The following SGMS1 variants were observed in gnomAD, a reference collection of about 807,000 sequenced individuals.
SGMS1 encodes sphingomyelin synthase 1, also known as phosphatidylcholine:ceramide cholinephosphotransferase 1.
A neutral mutation model predicts 46.2 loss-of-function variants in SGMS1; 13 were observed. The observed-to-expected ratio is 0.28, with a 90% CI of 0.18 to 0.45. The LOEUF is 0.45. Among genes scored for constraint, SGMS1 ranks in the 20% least tolerant of loss-of-function variants. The pLI is 1.00. For synonymous variants in SGMS1, 203 were observed against 187.8 expected, an observed-to-expected ratio of 1.08 and a Z score of -0.66; for missense variants, 324 against 519.9, an observed-to-expected ratio of 0.62 and a Z score of 3.66.
chr10:50,387,693 G>T (rs1274213246), intron 6 of SGMS1, among the ~76,000 whole-genome samples: 1 of 152,198 alleles, frequency 6.6e-6, no homozygotes, highest in Admixed American at 6.5e-5. Flanking sequence ...TATGCTAAAA[G>T]AAAATCCTTA....
intron 2 of SGMS1, among the ~76,000 whole-genome samples, chr10:50,550,490 G>A (rs1838139004): frequency 6.6e-6 from 1 of 152,152 alleles, no homozygotes; most frequent in Admixed American, 6.5e-5. Context: ...GCCTTGGACT[G>A]GTTTTCAAGG....
At chr10:50,394,747 C>T (rs1299486949) in intron 6 of SGMS1, among the ~76,000 whole-genome samples, 1 of 152,238 alleles carries the variant, frequency 6.6e-6, no homozygotes, top group Non-Finnish European at 1.5e-5. Flanking sequence ...CAATGACTTT[C>T]AGGCTGTTAG....
At chr10:50,547,773 C>A (rs1480891111) in intron 2 of SGMS1, among the ~76,000 whole-genome samples, 2 of 152,140 alleles carry the variant, frequency 1.3e-5, no homozygotes, top group East Asian at 3.8e-4. Flanking sequence ...CCTTGATGAA[C>A]ATTGATGCAA....
At chr10:50,605,993 T>C (rs989871469) in intron 1 of SGMS1, among the ~76,000 whole-genome samples, 6 of 152,210 alleles carry the variant, frequency 3.9e-5, no homozygotes, top group Non-Finnish European at 8.8e-5. Flanking sequence ...TATTTTCTTT[T>C]AAAAAGAGTC....
intron 5 of SGMS1, among the ~76,000 whole-genome samples, chr10:50,451,499 T>G (rs144260833): frequency 6.6e-6 from 1 of 152,336 alleles, no homozygotes; most frequent in East Asian, 1.9e-4. Flanking sequence ...ATGCTAAAAA[T>G]TATTCATCAG....
intron 3 of SGMS1, among the ~76,000 whole-genome samples, chr10:50,510,871 T>C (rs11005972): frequency 0.043 from 6,544 of 152,234 alleles, 478 homozygotes; most frequent in African/African-American, 0.15. Context: ...TAAAACTTTA[T>C]CTCATATATA....
In SGMS1 at chr10:50,347,253, C is replaced by T. The variant is rs151277460; in HGVS notation, c.-231-2908G>A. Reference sequence around the variant, plus strand: ...AAGATAATCAATGTCTGCTCAATATCTTCAAAAATATTCCTTTGACCTAGT... The same window carrying T: ...AAGATAATCAATGTCTGCTCAATATTTTCAAAAATATTCCTTTGACCTAGT... On this transcript the variant is annotated intron_variant, in intron 6 of 10. Coordinates refer to ENST00000361781, the MANE Select transcript of SGMS1 (RefSeq NM_147156.4). 2.4e-3 allele frequency among the ~76,000 whole-genome samples: 358 copies of T among 152,282 alleles called. 1 individual carries two copies. The highest frequency in any genetic ancestry group is 8.4e-3 in the African/African-American group (347 of 41,542).
At chr10:50,522,176 CTT>C (rs1837862695) in intron 2 of SGMS1, among the ~76,000 whole-genome samples, 2 of 152,146 alleles carry the variant, frequency 1.3e-5, no homozygotes, top group South Asian at 4.1e-4. Flanking sequence ...TTTTCAGTGA[CTT>C]ATAATTTATC....
At chr10:50,374,016 C>A (rs1405985899) in intron 6 of SGMS1, among the ~76,000 whole-genome samples, 1 of 152,082 alleles carries the variant, frequency 6.6e-6, no homozygotes, top group Non-Finnish European at 1.5e-5. Flanking sequence ...AAAGGCATAG[C>A]CACATCAATT....
At chr10:50,613,638 A>C (rs1272509557) in intron 1 of SGMS1, among the ~76,000 whole-genome samples, 1 of 152,224 alleles carries the variant, frequency 6.6e-6, no homozygotes, top group East Asian at 1.9e-4. Context: ...AGTCCTGATA[A>C]CTAGCACAGA....
At chr10:50,391,886 A>G (rs147538026) in intron 6 of SGMS1, among the ~76,000 whole-genome samples, 2,177 of 151,670 alleles carry the variant, frequency 0.014, 60 homozygotes, top group African/African-American at 0.05. Context: ...TTGCAGCAAC[A>G]TGGATGGAGC....
intron 2 of SGMS1, among the ~76,000 whole-genome samples, chr10:50,539,407 A>G (rs1038220990): frequency 8.5e-5 from 13 of 152,222 alleles, no homozygotes; most frequent in Admixed American, 8.5e-4. Context: ...TGGCATTGAT[A>G]TGTTTTCTGA....
At chr10:50,312,128 G>T (rs536099683) in intron 8 of SGMS1, among the ~76,000 whole-genome samples, 119 of 152,152 alleles carry the variant, frequency 7.8e-4, no homozygotes, top group African/African-American at 2.6e-3. Flanking sequence ...ATGCTTGTTA[G>T]TACTCTTTTA....
At chr10:50,597,595 CAGG>C (rs1838606613) in intron 1 of SGMS1, among the ~76,000 whole-genome samples, 1 of 152,080 alleles carries the variant, frequency 6.6e-6, no homozygotes, top group South Asian at 2.1e-4. Flanking sequence ...TCAGTATTGC[CAGG>C]AGTTCAGGAG....
chr10:50,593,870 G>A (rs1838565904), intron 1 of SGMS1, among the ~76,000 whole-genome samples: 1 of 152,100 alleles, frequency 6.6e-6, no homozygotes, highest in Admixed American at 6.5e-5. Flanking sequence ...GACCCTCTGG[G>A]GATTTTGCAA....
rs151057891 is a variant in SGMS1 at position 50,520,608 on chromosome 10, A to G, written c.-588-687T>C. Among the ~76,000 whole-genome samples the G allele has an allele frequency of 5.6e-4, 85 of 152,308 alleles. 1 individual carries two copies. The highest frequency in any genetic ancestry group is 2.0e-3 in the African/African-American group (82 of 41,574). Reference sequence around the variant, plus strand: ...AAAGAAGAAATCAGTGCCCAGCTCTACCAACCCTTGCTCCAAACTCTTCCA... The same window carrying G: ...AAAGAAGAAATCAGTGCCCAGCTCTGCCAACCCTTGCTCCAAACTCTTCCA... On this transcript the variant is annotated intron_variant, in intron 2 of 10. Transcript: ENST00000361781.
At chr10:50,569,611 T>C (rs538986920) in intron 2 of SGMS1, among the ~76,000 whole-genome samples, 137 of 152,274 alleles carry the variant, frequency 9.0e-4, no homozygotes, top group Non-Finnish European at 1.5e-3. Context: ...CACTGTGGGG[T>C]AGATTTCTTA....
At chr10:50,608,501 A>G (rs912064216) in intron 1 of SGMS1, among the ~76,000 whole-genome samples, 5 of 152,294 alleles carry the variant, frequency 3.3e-5, no homozygotes, top group African/African-American at 1.2e-4. Flanking sequence ...GACGCTACTC[A>G]GTGCCCACTC....
At chr10:50,432,832 A>T (rs1390201451) in intron 6 of SGMS1, among the ~76,000 whole-genome samples, 2 of 152,212 alleles carry the variant, frequency 1.3e-5, no homozygotes, top group East Asian at 3.8e-4. Flanking sequence ...AAAAAGCACA[A>T]GAGCAAGAGT....
Sources: allele counts gnomAD v4.1 joint callset (sites outside exome capture counted in the v4.1 genomes callset), GRCh38; gene constraint gnomAD v4.1.1; transcripts MANE v1.5; gene names NCBI Gene and HGNC (gene_info 2026-07-23, HGNC 2026-07-21).